The following DOCK2 variants were observed in gnomAD, a reference collection of about 807,000 sequenced individuals.
The protein encoded by DOCK2 is dedicator of cytokinesis protein 2.
A neutral mutation model predicts 248.9 loss-of-function variants in DOCK2; 87 were observed. That is an observed-to-expected ratio of 0.35 (90% CI 0.29 to 0.42). The LOEUF is 0.42. Ranked by LOEUF, DOCK2 falls within the 10% of genes least tolerant of loss-of-function variation. DOCK2 has a pLI of 1.00. For missense variants in DOCK2, 1,747 were observed against 2,300.2 expected, an observed-to-expected ratio of 0.76 and a Z score of 4.92; for synonymous variants, 805 against 821.6, an observed-to-expected ratio of 0.98 and a Z score of 0.35.
chr5:169,774,201 T>G (rs532017459), intron 25 of DOCK2, among the ~76,000 whole-genome samples: 32 of 152,350 alleles, frequency 2.1e-4, no homozygotes, highest in Non-Finnish European at 3.5e-4. Flanking sequence ...TGCAGATTCA[T>G]TTCAGTTCAA....
At chr5:169,641,368 A>G (rs1046838124) in intron 1 of DOCK2, among the ~76,000 whole-genome samples, 65 of 152,336 alleles carry the variant, frequency 4.3e-4, no homozygotes, top group African/African-American at 1.5e-3. Context: ...ATCCATAACC[A>G]GCTCGTGGTT....
chr5:169,776,140 ATAT>A (rs145720707), intron 25 of DOCK2, among the ~76,000 whole-genome samples: 11,461 of 146,682 alleles, frequency 0.078, 942 homozygotes, highest in East Asian at 0.36. Flanking sequence ...GATATGAATC[ATAT>A]TATATTTATA....
At chr5:170,048,080 G>A (rs1756778699) in intron 40 of DOCK2, among the ~76,000 whole-genome samples, 1 of 152,110 alleles carries the variant, frequency 6.6e-6, no homozygotes, top group Non-Finnish European at 1.5e-5. Flanking sequence ...GTTTTTTGAA[G>A]TGTTCATTTA....
At chr5:169,811,049 C>A (rs1767721591) in intron 26 of DOCK2, among the ~76,000 whole-genome samples, 1 of 151,302 alleles carries the variant, frequency 6.6e-6, no homozygotes, top group Admixed American at 6.6e-5. Flanking sequence ...TGAAGAGGAT[C>A]AGATATGGAC....
intron 25 of DOCK2, among the ~76,000 whole-genome samples, chr5:169,793,454 G>A (rs571469441): frequency 1.3e-5 from 2 of 152,126 alleles, no homozygotes; most frequent in Admixed American, 1.3e-4. Flanking sequence ...CTTACTAGCT[G>A]TGTGATTTTA....
intron 27 of DOCK2, among the ~76,000 whole-genome samples, chr5:169,915,881 G>C (rs926638372): frequency 6.6e-6 from 1 of 152,118 alleles, no homozygotes; most frequent in African/African-American, 2.4e-5. Flanking sequence ...TAGCAAATCT[G>C]ATTAAATGGT....
chr5:169,993,184 T>C (rs1778254630), intron 29 of DOCK2, among the ~76,000 whole-genome samples: 1 of 152,228 alleles, frequency 6.6e-6, no homozygotes, highest in South Asian at 2.1e-4. Flanking sequence ...GAACACAAAA[T>C]ACAATGTTGT....
intron 27 of DOCK2, among the ~76,000 whole-genome samples, chr5:169,842,286 C>A (rs546847663): frequency 6.6e-6 from 1 of 152,264 alleles, no homozygotes; most frequent in South Asian, 2.1e-4. Flanking sequence ...GGCCAGAGAG[C>A]CATGTAAACT....
rs1561709040 is a variant in DOCK2, at chr5:169,801,146, G to GGTTTT, written c.2555-1912_2555-1911insGTTTT. On this transcript the variant is annotated intron_variant, in intron 25 of 51. Transcript: ENST00000520908. ...TGCCACCATGCCCAGATAGTTTTGGGTTTTTTTTTTTTTTTTTTTTTTTTT... is the reference window on the plus strand; with the variant it reads ...TGCCACCATGCCCAGATAGTTTTGGGGTTTTTTTTTTTTTTTTTTTTTTTTTTTTT... Among the ~76,000 whole-genome samples the GGTTTT allele has an allele frequency of 1.1e-4, 8 of 76,052 alleles. 3 individuals carry two copies. Among genetic ancestry groups the GGTTTT allele is most frequent in the Non-Finnish European group, 1.7e-4 (6 of 35,922 alleles). The allele number at this position is 76,052 out of a possible 152,430, so 49.9% of individuals were successfully genotyped here. A position where few individuals can be genotyped will look rare whatever the true frequency, so the allele number is the denominator to read the frequency against.
At chr5:169,999,150 T>G (rs57396233) in intron 30 of DOCK2, among the ~76,000 whole-genome samples, 3,986 of 152,316 alleles carry the variant, frequency 0.026, 172 homozygotes, top group African/African-American at 0.09. Context: ...AGGGCATTCC[T>G]TTAGGTTTAT....
intron 25 of DOCK2, among the ~76,000 whole-genome samples, chr5:169,792,426 GTATATGTGTACATATATTTTATATA>G (rs2113071794): frequency 6.8e-6 from 1 of 146,894 alleles, no homozygotes; most frequent in African/African-American, 2.6e-5. Flanking sequence ...ATGTATACAT[GTATATGTGTACATATATTTTATATA>G]TGTGTGTGTG....
At position 170,067,511 on chromosome 5, in the gene DOCK2, C is replaced by T. The variant is rs1339886642; in HGVS notation, c.4469C>T (p.Thr1490Ile). The T allele has an allele frequency of 1.2e-6, 2 of 1,613,068 alleles. No homozygotes were observed. The highest frequency in any genetic ancestry group is 3.3e-5 in the Admixed American group (2 of 59,804). Residue 1490 changes from threonine (T) to isoleucine (I), a missense_variant and splice_region_variant, in exon 45 of 52, where the codon ACC becomes ATC. Physicochemically the swap from Thr to Ile is moderately conservative, Grantham distance 89. This residue lies in a region of DOCK2 where 513 missense variants were observed against 586.1 expected (regional missense o/e 0.88). Coordinates refer to ENST00000520908, the MANE Select transcript of DOCK2 (RefSeq NM_004946.3). ...RWFEVVHMSQ[T>I]TISPLENAIE... ...TCTTGGTGATCTCATTTTCAACAGA[C>T]CACAATTAGTCCTCTGGAGAATGCC...
chr5:169,969,185 C>T (rs1777409227), intron 27 of DOCK2, among the ~76,000 whole-genome samples: 1 of 152,032 alleles, frequency 6.6e-6, no homozygotes, highest in Admixed American at 6.5e-5. Flanking sequence ...TGGCTCATCC[C>T]TGTAATCCCA....
Position 169,909,518 on chromosome 5 carries a change from C to T in DOCK2, c.2799+68666C>T, listed in dbSNP as rs1269980518. On this transcript the variant is annotated intron_variant, in intron 27 of 51. Coordinates refer to ENST00000520908, the MANE Select transcript of DOCK2 (RefSeq NM_004946.3). ...ATCAGGTACCAGAGTGGGAATATTT[C>T]CCTGTGCTTATCTTTATGTCAGTCC... is the stretch of plus-strand genomic sequence containing the variant. Among the ~76,000 whole-genome samples, 5 of 152,144 alleles carry T rather than the reference C, an allele frequency of 3.3e-5. No homozygotes were observed. The East Asian group carries it at 9.6e-4, about 29-fold the overall frequency.
chr5:169,803,425 G>T (rs181320339), intron 26 of DOCK2, among the ~76,000 whole-genome samples: 1 of 152,182 alleles, frequency 6.6e-6, no homozygotes, highest in Non-Finnish European at 1.5e-5. Flanking sequence ...TGTGTGTCTT[G>T]TTGGCCAGGC....
intron 51 of DOCK2, 49 bp downstream of exon 51, chr5:170,082,033 G>A (rs750585457): frequency 3.1e-6 from 5 of 1,602,026 alleles, no homozygotes; most frequent in Non-Finnish European, 3.4e-6. Context: ...GAGGAGAAAG[G>A]GAAGAGAGCA....
intron 1 of DOCK2, among the ~76,000 whole-genome samples, chr5:169,647,433 G>A (rs953055864): frequency 2.6e-5 from 4 of 152,136 alleles, no homozygotes; most frequent in Non-Finnish European, 5.9e-5. Flanking sequence ...TGGCCTTATA[G>A]GATTCAGATG....
intron 26 of DOCK2, among the ~76,000 whole-genome samples, chr5:169,813,069 C>T (rs1327836213): frequency 6.6e-6 from 1 of 152,216 alleles, no homozygotes; most frequent in Non-Finnish European, 1.5e-5. Context: ...TTCAGGGGCT[C>T]CTGCGGGGAA....
chr5:170,036,834 T>C (rs897644996), intron 36 of DOCK2, among the ~76,000 whole-genome samples: 1 of 152,228 alleles, frequency 6.6e-6, no homozygotes, highest in African/African-American at 2.4e-5. Flanking sequence ...TGATTTGAAC[T>C]GTTGGGGTGC....
Sources: allele counts gnomAD v4.1 joint callset (sites outside exome capture counted in the v4.1 genomes callset), GRCh38; gene constraint gnomAD v4.1.1; regional missense constraint gnomAD v4.1.1; transcripts MANE v1.5; gene names NCBI Gene and HGNC (gene_info 2026-07-23, HGNC 2026-07-21).